NAV3: variants seen among roughly 807,000 people sequenced by gnomAD.
The protein encoded by NAV3 is pore membrane and/or filament interacting like protein 1.
A neutral mutation model predicts 244.7 loss-of-function variants in NAV3; 87 were observed. The observed-to-expected ratio is 0.36, with a 90% confidence interval of 0.30 to 0.42. NAV3 has a LOEUF of 0.42. NAV3 is among the 20% of genes least tolerant of loss of function. The pLI, the probability that NAV3 is intolerant of heterozygous loss-of-function variation, is 1.00. For missense variants in NAV3, 2,663 were observed against 2,893.3 expected (o/e 0.92, Z 1.83); for synonymous variants, 1,126 against 1,042.2 (o/e 1.08, Z -1.55).
At chr12:77,784,008 T>G (rs1870790970) in intron 2 of NAV3, among the ~76,000 whole-genome samples, 2 of 152,154 alleles carry the variant, frequency 1.3e-5, no homozygotes, top group African/African-American at 2.4e-5. Context: ...TTCTCCCTGG[T>G]GATATCAACT....
At chr12:77,998,258 T>G in intron 6 of NAV3, 79 bp from the exon 7 acceptor site, 1 of 1,075,536 alleles carries the variant, frequency 9.3e-7, no homozygotes, top group Non-Finnish European at 1.3e-6. Context: ...ATGTTGTAAA[T>G]TTCTGACTTT....
At chr12:77,776,154 A>C (rs2135895822) in intron 2 of NAV3, among the ~76,000 whole-genome samples, 1 of 152,330 alleles carries the variant, frequency 6.6e-6, no homozygotes, top group South Asian at 2.1e-4. Context: ...CCTGACCAAG[A>C]AAAGCAACAT....
chr12:78,188,843 C>T (rs1958844615), intron 33 of NAV3, 66 bp downstream of exon 33: 1 of 1,489,014 alleles, frequency 6.7e-7, no homozygotes, highest in South Asian at 1.2e-5. Context: ...CTGCCCCCCG[C>T]CCCTTTTTGG....
chr12:77,741,162 A>AG (rs1555200381), intron 2 of NAV3, among the ~76,000 whole-genome samples: 2 of 149,220 alleles, frequency 1.3e-5, no homozygotes, highest in African/African-American at 4.9e-5. Flanking sequence ...AAAAAAAAAA[A>AG]AAAAGAAAAG....
At chr12:77,942,394 A>C (rs1889963040) in intron 3 of NAV3, among the ~76,000 whole-genome samples, 1 of 151,770 alleles carries the variant, frequency 6.6e-6, no homozygotes, top group African/African-American at 2.4e-5. Context: ...TAAATAAATA[A>C]ATAATAAAAT....
chr12:77,878,003 A>G (rs748358194), intron 1 of NAV3, among the ~76,000 whole-genome samples: 3 of 152,142 alleles, frequency 2.0e-5, no homozygotes, highest in Non-Finnish European at 4.4e-5. Context: ...GGCAAATTCC[A>G]ATAAATGAGC....
intron 12 of NAV3, among the ~76,000 whole-genome samples, chr12:78,067,461 G>A (rs1397016326): frequency 6.6e-6 from 1 of 152,004 alleles, no homozygotes; most frequent in African/African-American, 2.4e-5. Flanking sequence ...GCTCATGATT[G>A]CAAGAATATG....
intron 2 of NAV3, among the ~76,000 whole-genome samples, chr12:77,811,901 A>G (rs898980126): frequency 1.3e-5 from 2 of 152,336 alleles, no homozygotes; most frequent in East Asian, 1.9e-4. Flanking sequence ...GCCAACTCAA[A>G]CTAGTTCCCA....
chr12:78,121,794 A>G, intron 15 of NAV3, 146 bp from the exon 16 acceptor site: 1 of 1,045,298 alleles, frequency 9.6e-7, no homozygotes, highest in Non-Finnish European at 1.4e-6. Flanking sequence ...GTCCAAGCTT[A>G]TAAAAGTTCA....
At chr12:78,132,776 C>G (rs1956218156) in intron 18 of NAV3, among the ~76,000 whole-genome samples, 1 of 152,020 alleles carries the variant, frequency 6.6e-6, no homozygotes, top group African/African-American at 2.4e-5. Flanking sequence ...AGACCTTTTT[C>G]AGCTCTAAAA....
intron 12 of NAV3, among the ~76,000 whole-genome samples, chr12:78,080,299 T>G (rs1953282659): frequency 6.6e-6 from 1 of 152,190 alleles, no homozygotes; most frequent in East Asian, 1.9e-4. Flanking sequence ...ACAGAAAGAC[T>G]AGGTCAAGCA....
At chr12:78,019,516 A>T (rs1876795186) in intron 8 of NAV3, among the ~76,000 whole-genome samples, 1 of 152,172 alleles carries the variant, frequency 6.6e-6, no homozygotes, top group Non-Finnish European at 1.5e-5. Flanking sequence ...GGTCCAGGGA[A>T]TACTAAGTAT....
intron 11 of NAV3, 121 bp from the exon 12 acceptor site, chr12:78,058,875 C>A: frequency 1.3e-6 from 1 of 783,596 alleles, no homozygotes; most frequent in Non-Finnish European, 1.8e-6. Context: ...GAATAAAAAA[C>A]AAGATAATAG....
chr12:77,659,198 G>C (rs370281413), intron 2 of NAV3, among the ~76,000 whole-genome samples: 48 of 151,238 alleles, frequency 3.2e-4, no homozygotes, highest in Admixed American at 7.9e-4. Context: ...GAAAATTTTC[G>C]CAACCTACTC....
chr12:77,628,552 A>G (rs1871740042), intron 2 of NAV3, among the ~76,000 whole-genome samples: 1 of 152,068 alleles, frequency 6.6e-6, no homozygotes, highest in African/African-American at 2.4e-5. Flanking sequence ...TACGTTATCT[A>G]TTTTCTTTTC....
intron 2 of NAV3, among the ~76,000 whole-genome samples, chr12:77,647,836 GCA>G (rs2136977630): frequency 6.6e-6 from 1 of 152,068 alleles, no homozygotes; most frequent in East Asian, 1.9e-4. Flanking sequence ...TGATTTTAAA[GCA>G]CAGATCTACC....
intron 22 of NAV3, among the ~76,000 whole-genome samples, chr12:78,156,924 A>G (rs912582447): frequency 6.6e-6 from 1 of 152,178 alleles, no homozygotes; most frequent in Non-Finnish European, 1.5e-5. Context: ...TGTAAAGCAA[A>G]AGAAAACCAC....
chr12:77,906,986 C>T (rs538166333), intron 1 of NAV3, among the ~76,000 whole-genome samples: 1 of 152,198 alleles, frequency 6.6e-6, no homozygotes, highest in South Asian at 2.1e-4. Flanking sequence ...ATCTATATGG[C>T]TTCAGTGCCC....
intron 1 of NAV3, among the ~76,000 whole-genome samples, chr12:77,881,034 T>C (rs576813855): frequency 3.6e-4 from 55 of 152,304 alleles, no homozygotes; most frequent in Middle Eastern, 3.4e-3. Context: ...ACAAGAACCA[T>C]CATAGTGCAT....
Sources: gnomAD v4.1 joint callset for allele counts (sites outside exome capture counted in the v4.1 genomes callset) on GRCh38, gnomAD v4.1.1 for gene constraint, MANE v1.5 for transcripts, NCBI Gene and HGNC (gene_info 2026-07-23, HGNC 2026-07-21) for gene names.